The following PHKB variants were observed in gnomAD, a reference collection of about 807,000 sequenced individuals.
The protein encoded by PHKB is phosphorylase kinase regulatory subunit beta, also known as phosphorylase b kinase regulatory subunit beta.
Under a neutral mutation model 152.1 loss-of-function variants are expected in PHKB, and 122 were observed. The ratio of observed to expected loss-of-function variants is 0.80; its 90% confidence interval spans 0.69 to 0.93. PHKB has a LOEUF of 0.93. PHKB is among the 40% of genes least tolerant of loss of function. The pLI is 0.00. For synonymous variants in PHKB, 436 were observed against 464.9 expected, an observed-to-expected ratio of 0.94 and a Z score of 0.80; for missense variants, 1,304 against 1,328.4, an observed-to-expected ratio of 0.98 and a Z score of 0.29.
intron 4 of PHKB, 79 bp from the exon 5 acceptor site, chr16:47,511,586 A>G: frequency 4.7e-6 from 5 of 1,055,406 alleles, no homozygotes; most frequent in South Asian, 3.8e-5. Context: ...AAAAAGTTTC[A>G]TGAAAAATAG....
intron 26 of PHKB, among the ~76,000 whole-genome samples, chr16:47,679,432 C>G (rs913668962): frequency 6.6e-6 from 1 of 152,050 alleles, no homozygotes; most frequent in South Asian, 2.1e-4. Flanking sequence ...TGTTTGTGTC[C>G]TCTTTTATTT....
intron 7 of PHKB, among the ~76,000 whole-genome samples, chr16:47,548,919 G>A (rs1162231597): frequency 2.6e-5 from 4 of 152,144 alleles, no homozygotes; most frequent in African/African-American, 9.7e-5. Flanking sequence ...TAGAATGCTA[G>A]TGTACTTACA....
chr16:47,501,058 G>A (rs1970317166), intron 3 of PHKB, among the ~76,000 whole-genome samples: 2 of 152,126 alleles, frequency 1.3e-5, no homozygotes, highest in Non-Finnish European at 2.9e-5. Flanking sequence ...GGACAATATG[G>A]CTTTATTAAA....
At chr16:47,681,824 T>A (rs1407407814) in intron 26 of PHKB, among the ~76,000 whole-genome samples, 2 of 152,206 alleles carry the variant, frequency 1.3e-5, no homozygotes, top group African/African-American at 4.8e-5. Flanking sequence ...TGATGTTAGC[T>A]GGTTATTTTG....
chr16:47,543,046 G>T (rs1162472117), intron 6 of PHKB, among the ~76,000 whole-genome samples: 4 of 152,142 alleles, frequency 2.6e-5, no homozygotes, highest in East Asian at 1.9e-4. Context: ...TGTTGAATAG[G>T]AGTGGTGAGA....
chr16:47,545,939 A>T (rs747869344), intron 6 of PHKB, among the ~76,000 whole-genome samples: 2 of 152,340 alleles, frequency 1.3e-5, no homozygotes, highest in African/African-American at 4.8e-5. Context: ...TTTCAGCTCC[A>T]TCAGATCAGT....
intron 14 of PHKB, among the ~76,000 whole-genome samples, chr16:47,612,708 G>A (rs1451205341): frequency 6.6e-6 from 1 of 152,182 alleles, no homozygotes; most frequent in Non-Finnish European, 1.5e-5. Flanking sequence ...CCGAGAGGGA[G>A]GTGATGGGGA....
At position 47,515,044 on chromosome 16, in the gene PHKB, A is replaced by T. The variant is rs560271359; in HGVS notation, c.514-477A>T. Among the ~76,000 whole-genome samples the T allele has an allele frequency of 1.8e-4, 28 of 152,282 alleles. No individual in the cohort carries two copies. The South Asian group carries it at 5.0e-3, about 27-fold the overall frequency. On this transcript the variant is annotated intron_variant, in intron 5 of 30. Coordinates refer to ENST00000323584, the MANE Select transcript of PHKB (RefSeq NM_000293.3). The stretch of plus-strand genomic sequence containing the variant: ...TGCCTATTGTTTATGGGGTACTGGC[A>T]TCATCATAGTGTCTTGCTTACCAAA...
At chr16:47,487,847 G>A (rs1970075889) in intron 1 of PHKB, among the ~76,000 whole-genome samples, 1 of 152,112 alleles carries the variant, frequency 6.6e-6, no homozygotes, top group South Asian at 2.1e-4. Context: ...ATGTTGATGG[G>A]CTCCTGCGTT....
chr16:47,481,764 C>G (rs1449067788), intron 1 of PHKB, among the ~76,000 whole-genome samples: 1 of 152,214 alleles, frequency 6.6e-6, no homozygotes, highest in Non-Finnish European at 1.5e-5. Context: ...ATAATTTTCT[C>G]CACTTTTCAG....
chr16:47,614,197 A>G (rs1215211285), intron 14 of PHKB, among the ~76,000 whole-genome samples: 2 of 152,162 alleles, frequency 1.3e-5, no homozygotes, highest in African/African-American at 2.4e-5. Context: ...TTAAACAACC[A>G]GATCTTATGA....
intron 20 of PHKB, among the ~76,000 whole-genome samples, chr16:47,656,016 C>CT (rs887475613): frequency 9.6e-4 from 138 of 143,632 alleles, no homozygotes; most frequent in South Asian, 1.1e-3. Context: ...AAGAGTTTTA[C>CT]TTTTTTTTTT....
At chr16:47,671,489 A>G (rs150622805) in intron 26 of PHKB, among the ~76,000 whole-genome samples, 180 of 152,152 alleles carry the variant, frequency 1.2e-3, no homozygotes, top group African/African-American at 4.2e-3. Flanking sequence ...TTTATACTTT[A>G]TATTTACCAT....
At position 47,512,723 on chromosome 16, in the gene PHKB, T is replaced by C. The variant is rs564069892; in HGVS notation, c.513+951T>C. Among the ~76,000 whole-genome samples the C allele has an allele frequency of 2.6e-5, 4 of 152,340 alleles. No homozygotes were observed. The South Asian group carries it at 6.2e-4, about 24-fold the overall frequency. On this transcript the variant is annotated intron_variant, in intron 5 of 30. Transcript: ENST00000323584. ...AGTGTATTGTTTTTTAGCTGGACAG[T>C]CTGTTGTTTCTGGGATACAAATATA...
chr16:47,533,976 G>A (rs1970908059), intron 6 of PHKB, among the ~76,000 whole-genome samples: 1 of 152,206 alleles, frequency 6.6e-6, no homozygotes, highest in Non-Finnish European at 1.5e-5. Flanking sequence ...GCTGCACCCA[G>A]GATGGTGGGG....
At chr16:47,511,556 C>T in intron 4 of PHKB, 109 bp from the exon 5 acceptor site, 2 of 805,296 alleles carry the variant, frequency 2.5e-6, no homozygotes, top group Non-Finnish European at 4.3e-6. Flanking sequence ...GTTCGGTCCT[C>T]TGCCTTAGCT....
intron 30 of PHKB, 74 bp from the exon 31 acceptor site, chr16:47,699,155 G>A (rs776623793): frequency 1.4e-6 from 2 of 1,385,294 alleles, no homozygotes; most frequent in African/African-American, 2.8e-5. Flanking sequence ...TTCCCCCTAA[G>A]CTGACACAGA....
chr16:47,688,413 A>G (rs1034613697), intron 26 of PHKB, among the ~76,000 whole-genome samples: 1 of 152,240 alleles, frequency 6.6e-6, no homozygotes, highest in Non-Finnish European at 1.5e-5. Context: ...TTATTTACAC[A>G]TAAAATAATT....
chr16:47,561,280 G>C (rs1204029225), intron 7 of PHKB: 1 of 152,182 alleles, frequency 6.6e-6, no homozygotes, highest in Non-Finnish European at 1.5e-5. Context: ...AGATGGGCCT[G>C]GGCATCATTG....
Sources: gnomAD v4.1 joint callset for allele counts (sites outside exome capture counted in the v4.1 genomes callset) on GRCh38, gnomAD v4.1.1 for gene constraint, MANE v1.5 for transcripts, NCBI Gene and HGNC (gene_info 2026-07-23, HGNC 2026-07-21) for gene names.